The following AQP6 variants were observed in gnomAD, a reference collection of about 807,000 sequenced individuals.
AQP6 encodes the protein aquaporin-6.
A neutral mutation model predicts 16.3 loss-of-function variants in AQP6; 14 were observed. That is an observed-to-expected ratio of 0.86 (90% CI 0.57 to 1.34). AQP6 has a LOEUF of 1.34. Ranked by LOEUF, AQP6 falls within the 40% of genes most tolerant of loss-of-function variation. The probability of loss-of-function intolerance (pLI) is 0.00; values close to 1 mark genes in which losing one functional copy is unlikely to be tolerated. For missense variants in AQP6, 331 were observed against 379.7 expected, an observed-to-expected ratio of 0.87 and a Z score of 1.07; for synonymous variants, 178 against 166.8, an observed-to-expected ratio of 1.07 and a Z score of -0.52.
chr12:49,973,693 C>T (rs1947548206), intron 1 of AQP6, 118 bp downstream of exon 1: 2 of 1,371,906 alleles, frequency 1.5e-6, no homozygotes, highest in African/African-American at 1.5e-5. Context: ...CTGCAGGCTC[C>T]ACATCCTCCC....
Position 49,975,587 on chromosome 12 carries a change from G to GGGGACAGGGGCA in AQP6, c.769_780dup (p.Thr257_Gly260dup). 1 of 1,609,772 alleles carries GGGGACAGGGGCA rather than the reference G, an allele frequency of 6.2e-7. No individual in the cohort carries two copies. Among genetic ancestry groups the GGGGACAGGGGCA allele is most frequent in the Non-Finnish European group, 8.5e-7 (1 of 1,178,842 alleles). On this transcript the variant is annotated inframe_insertion, in exon 4 of 4. Transcript: ENST00000315520. The surrounding 1 kb of genome is among the most constrained non-coding windows in gnomAD (Gnocchi z 4.4). ...CTATCCTCACAGGCACCGTAGAGGT[G>GGGGACAGGGGCA]GGGACAGGGGCAGGGGCAGGGGCGG...
chr12:49,974,919 G>T, intron 3 of AQP6, 93 bp downstream of exon 3: 1 of 1,544,062 alleles, frequency 6.5e-7, no homozygotes, highest in East Asian at 2.3e-5. Flanking sequence ...AAGCTCAGAA[G>T]GCCAGGGTGA....
Position 49,974,358 on chromosome 12 carries a change from C to A in AQP6, c.437C>A (p.Ala146Glu). The change falls in exon 2 of 4, where the codon GCA becomes GAA. Residue 146 changes from alanine (A) to glutamate (E), a missense_variant. Physicochemically the swap from Ala to Glu is moderately radical, Grantham distance 107. Coordinates refer to ENST00000315520, the MANE Select transcript of AQP6 (RefSeq NM_001652.4). ...RNSVSTGQAV[A>E]VELLLTLQLV... ...AGTGTCTCAACTGGCCAGGCGGTGGCAGTGGAGCTGCTTCTGACCCTGCAG... is the reference window on the plus strand; with the variant it reads ...AGTGTCTCAACTGGCCAGGCGGTGGAAGTGGAGCTGCTTCTGACCCTGCAG... 2 of 1,604,818 alleles carry A rather than the reference C, an allele frequency of 1.2e-6. No homozygotes were observed. Among genetic ancestry groups the A allele is most frequent in the Non-Finnish European group, 1.7e-6 (2 of 1,173,912 alleles).
Position 49,977,085 on chromosome 12 carries a change from A to G in AQP6, c.*1414A>G. 1 of 693,030 alleles carries G rather than the reference A, an allele frequency of 1.4e-6. No homozygotes were observed. The highest frequency in any genetic ancestry group is 2.6e-6 in the Non-Finnish European group (1 of 381,888). 42.9% of individuals were successfully genotyped at this position (693,030 alleles called of 1,614,324 possible). ...CTGTGAAATCAAGAAATCGGAAAAT[A>G]CTTTCAGAAGTTAAAATGCTAGAAA... On this transcript the variant is annotated 3_prime_UTR_variant, in exon 4 of 4. Coordinates refer to ENST00000315520, the MANE Select transcript of AQP6 (RefSeq NM_001652.4).
chr12:49,975,155 C>T lies in AQP6; in HGVS notation c.643-310C>T. ...CAGCAGAGACAGAAACAGCAATAGC[C>T]AGGACTCCTGGCTAAAACGGGGGAA... On this transcript the variant is annotated intron_variant, in intron 3 of 3. Coordinates refer to ENST00000315520, the MANE Select transcript of AQP6 (RefSeq NM_001652.4). The surrounding 1 kb of genome is among the most constrained non-coding windows in gnomAD (Gnocchi z 4.4). 1 of 1,296,186 alleles carries T rather than the reference C, an allele frequency of 7.7e-7. No individual in the cohort carries two copies. Among genetic ancestry groups the T allele is most frequent in the Non-Finnish European group, 9.8e-7 (1 of 1,023,554 alleles). 80.3% of individuals were successfully genotyped at this position (1,296,186 alleles called of 1,614,324 possible).
chr12:49,974,250 C>A, intron 1 of AQP6, 74 bp from the exon 2 acceptor site: 1 of 1,452,716 alleles, frequency 6.9e-7, no homozygotes, highest in Admixed American at 2.4e-5. Flanking sequence ...GGAGACCAGG[C>A]CCAGTGGCAG....
In AQP6 at chr12:49,972,979, T is replaced by C. The variant is rs1474782357; in HGVS notation, c.-195T>C. On this transcript the variant is annotated 5_prime_UTR_variant, in exon 1 of 4. Coordinates refer to ENST00000315520, the MANE Select transcript of AQP6 (RefSeq NM_001652.4). ...TGCATAAGCCCATCCGCCTGCGCCC[T>C]GCCAGTCTGACCAGCACAGTCCTGG... The C allele has an allele frequency of 1.8e-5, 13 of 740,162 alleles. No individual in the cohort carries two copies. The highest frequency in any genetic ancestry group is 1.6e-4 in the East Asian group (6 of 36,758). The allele number at this position is 740,162 out of a possible 1,614,324, so 45.8% of individuals were successfully genotyped here.
intron 1 of AQP6, 28 bp downstream of exon 1, chr12:49,973,603 G>T: frequency 6.4e-7 from 1 of 1,557,584 alleles, no homozygotes; most frequent in Non-Finnish European, 8.7e-7. Context: ...CACCTGGAGG[G>T]CCAGGAGGCG....
chr12:49,973,384 C>A lies in AQP6; in HGVS notation c.211C>A (p.Gln71Lys). 6.2e-7 allele frequency: 1 copy of A among 1,613,208 alleles called. No homozygotes were observed. The highest frequency in any genetic ancestry group is 1.1e-5 in the South Asian group (1 of 91,078). ...TFNLVTAMAV[Q>K]VTWKASGAHA... ...CAACCTGGTCACCGCCATGGCTGTG[C>A]AGGTCACCTGGAAGGCCAGCGGGGC... is the stretch of plus-strand genomic sequence containing the variant. The change falls in exon 1 of 4, where the codon CAG becomes AAG. Residue 71 changes from glutamine (Q) to lysine (K), a missense_variant. By Grantham distance (53) the Gln-to-Lys change is moderately conservative. Transcript: ENST00000315520.
chr12:49,973,506 C>T lies in AQP6; in HGVS notation c.333C>T (p.Ala111=). The T allele has an allele frequency of 6.2e-7, 1 of 1,613,688 alleles. No homozygotes were observed. The change falls in exon 1 of 4, where the codon GCC becomes GCT. Residue 111 remains alanine, a synonymous_variant. Transcript: ENST00000315520. The part of the protein sequence containing the change: ...VAYVAAQLVG[A]TVGAALLYGV... ...ATGTGGCTGCCCAGCTGGTGGGGGCCACGGTGGGGGCTGCTCTGCTTTATG... is the reference window on the plus strand; with the variant it reads ...ATGTGGCTGCCCAGCTGGTGGGGGCTACGGTGGGGGCTGCTCTGCTTTATG...
At chr12:49,974,267 CTCTG>C (rs1436681127) in intron 1 of AQP6, 53 bp from the exon 2 acceptor site, 56 of 1,461,844 alleles carry the variant, frequency 3.8e-5, no homozygotes, top group South Asian at 2.9e-4. Flanking sequence ...GCAGGGGTTT[CTCTG>C]TCTGTCCGTG....
In AQP6 at chr12:49,977,049, T is replaced by TC; in HGVS notation, c.*1380dup. On this transcript the variant is annotated 3_prime_UTR_variant, in exon 4 of 4. Coordinates refer to ENST00000315520, the MANE Select transcript of AQP6 (RefSeq NM_001652.4). Reference sequence around the variant, plus strand: ...CTGTAAAATGGACACACAATCCTCCTCCAGGGACTGCTGTGAAATCAAGAA... The same window carrying TC: ...CTGTAAAATGGACACACAATCCTCCTCCCAGGGACTGCTGTGAAATCAAGAA... 1.4e-6 allele frequency: 1 copy of TC among 701,498 alleles called. No individual in the cohort carries two copies. Among genetic ancestry groups the TC allele is most frequent in the Non-Finnish European group, 2.6e-6 (1 of 384,592 alleles). 43.5% of individuals were successfully genotyped at this position (701,498 alleles called of 1,614,324 possible).
At position 49,975,047 on chromosome 12, in the gene AQP6, C is replaced by G; in HGVS notation, c.642+221C>G. The stretch of plus-strand genomic sequence containing the variant: ...CTTGGCCCAGACTTTTAAGTCCTGG[C>G]TGTTTCCTTATTCACTTTCTCCAGC... On this transcript the variant is annotated intron_variant, in intron 3 of 3. Coordinates refer to ENST00000315520, the MANE Select transcript of AQP6 (RefSeq NM_001652.4). The surrounding 1 kb of genome is among the most constrained non-coding windows in gnomAD (Gnocchi z 4.4). 2 of 1,374,336 alleles carry G rather than the reference C, an allele frequency of 1.5e-6. No individual in the cohort carries two copies. Among genetic ancestry groups the G allele is most frequent in the Non-Finnish European group, 1.9e-6 (2 of 1,067,990 alleles). The allele number at this position is 1,374,336 out of a possible 1,614,324, so 85.1% of individuals were successfully genotyped here.
Position 49,974,497 on chromosome 12 carries a change from G to A in AQP6, c.561+15G>A. On this transcript the variant is annotated intron_variant, in intron 2 of 3. Coordinates refer to ENST00000315520, the MANE Select transcript of AQP6 (RefSeq NM_001652.4). ...ACCTCATTGGGGTAAGGAACAGAGGGGACACCGTGCACATGCACACACCGG... is the reference window on the plus strand; with the variant it reads ...ACCTCATTGGGGTAAGGAACAGAGGAGACACCGTGCACATGCACACACCGG... 3.8e-6 allele frequency: 6 copies of A among 1,593,228 alleles called. No individual in the cohort carries two copies. The highest frequency in any genetic ancestry group is 5.1e-6 in the Non-Finnish European group (6 of 1,167,156).
intron 1 of AQP6, chr12:49,974,008 C>T (rs547397815): frequency 2.6e-6 from 3 of 1,175,690 alleles, no homozygotes; most frequent in Admixed American, 8.3e-5. Context: ...CATTTCGTAA[C>T]CATCTGTGTT....
At chr12:49,974,917 A>T in intron 3 of AQP6, 91 bp downstream of exon 3, 1 of 1,553,320 alleles carries the variant, frequency 6.4e-7, no homozygotes, top group Admixed American at 1.9e-5. Flanking sequence ...CTAAGCTCAG[A>T]AGGCCAGGGT....
rs1466041590 is a variant in AQP6 at position 49,976,957 on chromosome 12, T to C, written c.*1286T>C. The stretch of plus-strand genomic sequence containing the variant: ...ACCAAAATCTAAGTTGGTTTAATAG[T>C]TAAAAGCTGCTGTAGATTTATTCTG... On this transcript the variant is annotated 3_prime_UTR_variant, in exon 4 of 4. Transcript: ENST00000315520. The C allele has an allele frequency of 2.6e-5, 18 of 701,332 alleles. No individual in the cohort carries two copies. Among genetic ancestry groups the C allele is most frequent in the Non-Finnish European group, 4.7e-5 (18 of 384,636 alleles). 43.4% of individuals were successfully genotyped at this position (701,332 alleles called of 1,614,324 possible).
chr12:49,976,851 G>A lies in AQP6; in HGVS notation c.*1180G>A, dbSNP rs954631985. On this transcript the variant is annotated 3_prime_UTR_variant, in exon 4 of 4. Coordinates refer to ENST00000315520, the MANE Select transcript of AQP6 (RefSeq NM_001652.4). ...AGCATTACAGGATCCCCAGAAAGCT[G>A]TTGAATAAGCCCTAAGGGTGGTAGG... 1.6e-6 allele frequency: 1 copy of A among 630,632 alleles called. No individual in the cohort carries two copies. Among genetic ancestry groups the A allele is most frequent in the Non-Finnish European group, 2.8e-6 (1 of 352,870 alleles). 39.1% of individuals were successfully genotyped at this position (630,632 alleles called of 1,614,324 possible). A position where few individuals can be genotyped will look rare whatever the true frequency, so the allele number is the denominator to read the frequency against.
intron 1 of AQP6, 52 bp downstream of exon 1, chr12:49,973,627 G>T: frequency 1.3e-6 from 2 of 1,517,350 alleles, no homozygotes; most frequent in Non-Finnish European, 1.8e-6. Flanking sequence ...ATGCGCACAA[G>T]TGGTGAAGGT....
Sources: gnomAD v4.1 joint callset for allele counts on GRCh38, gnomAD v4.1.1 for gene constraint, Gnocchi (gnomAD v3.1) non-coding constraint, MANE v1.5 for transcripts, NCBI Gene and HGNC (gene_info 2026-07-23, HGNC 2026-07-21) for gene names.